The following TRAPPC9 variants were observed in gnomAD, a reference collection of about 807,000 sequenced individuals.
TRAPPC9 encodes the protein trafficking protein particle complex subunit 9.
Under a neutral mutation model 124.0 loss-of-function variants are expected in TRAPPC9, and 83 were observed. The observed-to-expected ratio is 0.67, with a 90% CI of 0.56 to 0.80. The LOEUF (loss-of-function observed/expected upper bound fraction) is 0.80. Among genes scored for constraint, TRAPPC9 ranks in the 30% least tolerant of loss-of-function variants. The pLI is 0.00. For missense variants in TRAPPC9, 1,302 were observed against 1,508.3 expected, an observed-to-expected ratio of 0.86 and a Z score of 2.27; for synonymous variants, 638 against 617.5, an observed-to-expected ratio of 1.03 and a Z score of -0.49.
At chr8:140,184,501 C>G (rs1471157143) in intron 17 of TRAPPC9, among the ~76,000 whole-genome samples, 2 of 152,008 alleles carry the variant, frequency 1.3e-5, no homozygotes, top group Non-Finnish European at 2.9e-5. Flanking sequence ...AGTGCCACAA[C>G]CTCGGCTCAC....
intron 21 of TRAPPC9, among the ~76,000 whole-genome samples, chr8:139,761,477 C>T (rs1020368602): frequency 1.2e-4 from 19 of 152,264 alleles, no homozygotes; most frequent in African/African-American, 4.3e-4. Flanking sequence ...AGTGATGATG[C>T]GGTGTGCGCC....
chr8:140,370,838 G>C, intron 8 of TRAPPC9, 126 bp downstream of exon 8: 1 of 1,031,808 alleles, frequency 9.7e-7, no homozygotes, highest in Non-Finnish European at 1.5e-6. Context: ...CTCCAGGGCA[G>C]GGATCTAGTC....
Position 140,349,486 on chromosome 8 carries a change from AGGCAGACGACCCT to A in TRAPPC9, c.1495+10551_1495+10563del, listed in dbSNP as rs1178751942. Among the ~76,000 whole-genome samples the A allele has an allele frequency of 3.0e-4, 45 of 152,070 alleles. 1 individual carries two copies. The highest frequency in any genetic ancestry group is 1.1e-3 in the African/African-American group (45 of 41,422). On this transcript the variant is annotated intron_variant, in intron 9 of 22. Coordinates refer to ENST00000438773, the MANE Select transcript of TRAPPC9 (RefSeq NM_001160372.4). Reference sequence around the variant, plus strand: ...GGGGCCGAAGGGGGCGCGCGAGGGAAGGCAGACGACCCTGGCAGAGGTTCCGCTTCAGAGCGGA... The same window carrying A: ...GGGGCCGAAGGGGGCGCGCGAGGGAAGGCAGAGGTTCCGCTTCAGAGCGGA...
intron 20 of TRAPPC9, among the ~76,000 whole-genome samples, chr8:139,892,287 G>A (rs1056360239): frequency 6.6e-6 from 1 of 152,188 alleles, no homozygotes; most frequent in South Asian, 2.1e-4. Context: ...CTCATACCAG[G>A]CCCCTCCTAG....
chr8:140,042,200 A>AGT (rs1375063495), intron 17 of TRAPPC9, among the ~76,000 whole-genome samples: 11 of 90,930 alleles, frequency 1.2e-4, no homozygotes, highest in African/African-American at 5.3e-4. Context: ...AGCCCAAAAA[A>AGT]GTGTATGTGT....
intron 19 of TRAPPC9, among the ~76,000 whole-genome samples, chr8:139,920,355 A>AAAAC (rs758916018): frequency 6.6e-6 from 1 of 152,244 alleles, no homozygotes; most frequent in Non-Finnish European, 1.5e-5. Flanking sequence ...CAAGCAAAAC[A>AAAAC]AAACAAACAA....
chr8:139,801,373 G>A (rs1208599074), intron 21 of TRAPPC9, among the ~76,000 whole-genome samples: 4 of 152,254 alleles, frequency 2.6e-5, no homozygotes, highest in South Asian at 2.1e-4. Context: ...TGCTCACCAG[G>A]AGCAAAGCCG....
intron 19 of TRAPPC9, among the ~76,000 whole-genome samples, chr8:139,970,479 A>G (rs1011417760): frequency 6.6e-6 from 1 of 152,172 alleles, no homozygotes; most frequent in Non-Finnish European, 1.5e-5. Flanking sequence ...CTGGGCTGGG[A>G]GAAGCGGGAG....
At chr8:139,920,668 C>A (rs898425997) in intron 19 of TRAPPC9, among the ~76,000 whole-genome samples, 15 of 152,198 alleles carry the variant, frequency 9.9e-5, no homozygotes, top group African/African-American at 1.9e-4. Flanking sequence ...TGACAGAGAA[C>A]CAGAGTGTTT....
chr8:140,457,496 G>A, intron 1 of TRAPPC9, 143 bp downstream of exon 1: 1 of 666,294 alleles, frequency 1.5e-6, no homozygotes. Context: ...AGCGGACCCG[G>A]ACAGGTGTGG....
At chr8:139,793,030 G>A (rs540418566) in intron 21 of TRAPPC9, among the ~76,000 whole-genome samples, 11 of 152,148 alleles carry the variant, frequency 7.2e-5, no homozygotes, top group African/African-American at 9.7e-5. Context: ...TGGGTCTGGC[G>A]TTGCACTGAG....
intron 2 of TRAPPC9, among the ~76,000 whole-genome samples, chr8:140,448,420 C>T (rs2071344232): frequency 6.6e-6 from 1 of 152,226 alleles, no homozygotes; most frequent in African/African-American, 2.4e-5. Context: ...TGACGCACTG[C>T]GTCACAGCAC....
At chr8:140,320,001 G>T (rs1328527520) in intron 9 of TRAPPC9, among the ~76,000 whole-genome samples, 3 of 152,204 alleles carry the variant, frequency 2.0e-5, no homozygotes, top group Non-Finnish European at 4.4e-5. Context: ...AACAGGTAGA[G>T]AATAGAAAGA....
At chr8:140,352,204 C>T (rs1179330377) in intron 9 of TRAPPC9, among the ~76,000 whole-genome samples, 1 of 152,222 alleles carries the variant, frequency 6.6e-6, no homozygotes. Flanking sequence ...GAGTAGTTCA[C>T]TTGTGGTGTG....
At chr8:139,945,088 T>C (rs12114201) in intron 19 of TRAPPC9, among the ~76,000 whole-genome samples, 6,790 of 152,238 alleles carry the variant, frequency 0.045, 536 homozygotes, top group African/African-American at 0.15. Context: ...CATGCCATTG[T>C]GCTCCAGCCT....
chr8:140,311,517 A>G (rs939491309), intron 9 of TRAPPC9, 143 bp from the exon 10 acceptor site: 2 of 904,488 alleles, frequency 2.2e-6, no homozygotes, highest in African/African-American at 3.3e-5. Flanking sequence ...AAAAGAGACC[A>G]GAACAAAGCA....
At position 140,072,669 on chromosome 8, in the gene TRAPPC9, C is replaced by T. The variant is rs181647677; in HGVS notation, c.2557-48590G>A. Among the ~76,000 whole-genome samples, 62 of 151,112 alleles carry T rather than the reference C, an allele frequency of 4.1e-4. 1 individual carries two copies. Among genetic ancestry groups the T allele is most frequent in the Admixed American group, 3.6e-3 (55 of 15,176 alleles). On this transcript the variant is annotated intron_variant, in intron 17 of 22. Coordinates refer to ENST00000438773, the MANE Select transcript of TRAPPC9 (RefSeq NM_001160372.4). ...AAGCCACAGATATACACTAGGAGAA[C>T]GTATTATATCTATATATTCAATGCA...
intron 17 of TRAPPC9, among the ~76,000 whole-genome samples, chr8:140,134,688 T>C (rs893292970): frequency 3.9e-5 from 6 of 152,202 alleles, no homozygotes; most frequent in Non-Finnish European, 8.8e-5. Flanking sequence ...TATATATAAA[T>C]TAACTCAAAC....
In TRAPPC9 at chr8:140,033,658, G is replaced by GTTTTTTTTTTTTTTTTTTTT. The variant is rs776155126; in HGVS notation, c.2557-9599_2557-9580dup. On this transcript the variant is annotated intron_variant, in intron 17 of 22. Transcript: ENST00000438773. ...TTGAAATGCAACTCTTCATAATGTG[G>GTTTTTTTTTTTTTTTTTTTT]TTTTTTTTTTTTTTTTTTTTTTTTT... Among the ~76,000 whole-genome samples, 7 of 42,398 alleles carry GTTTTTTTTTTTTTTTTTTTT rather than the reference G, an allele frequency of 1.7e-4. 2 individuals are homozygous for GTTTTTTTTTTTTTTTTTTTT. The highest frequency in any genetic ancestry group is 3.9e-4 in the Non-Finnish European group (7 of 18,112). 27.8% of individuals were successfully genotyped at this position (42,398 alleles called of 152,430 possible).
Sources: gnomAD v4.1 joint callset for allele counts (sites outside exome capture counted in the v4.1 genomes callset) on GRCh38, gnomAD v4.1.1 for gene constraint, MANE v1.5 for transcripts, NCBI Gene and HGNC (gene_info 2026-07-23, HGNC 2026-07-21) for gene names.